The following CAST variants were observed in gnomAD, a reference collection of about 807,000 sequenced individuals.
The protein encoded by CAST is calpastatin.
Under a neutral mutation model 119.6 loss-of-function variants are expected in CAST, and 76 were observed. The ratio of observed to expected loss-of-function variants is 0.64; its 90% CI spans 0.53 to 0.77. The LOEUF (loss-of-function observed/expected upper bound fraction) is 0.77. Among genes scored for constraint, CAST ranks in the 30% least tolerant of loss-of-function variants. CAST has a pLI of 0.00. For synonymous variants in CAST, 319 were observed against 331.6 expected (o/e 0.96, Z 0.41); for missense variants, 953 against 946.5 (o/e 1.01, Z -0.09).
At chr5:96,062,855 A>G in the CAST span, among the ~76,000 whole-genome samples, 1 of 151,976 alleles carries the variant, frequency 6.6e-6, no homozygotes, top group African/African-American at 2.4e-5. Flanking sequence ...GGTCTGGGTC[A>G]CCCCCCAAGT....
chr5:96,382,445 C>T, the CAST span, among the ~76,000 whole-genome samples: 2 of 152,192 alleles, frequency 1.3e-5, no homozygotes, highest in Non-Finnish European at 2.9e-5. Flanking sequence ...AGTGGATCCT[C>T]CCTGGGCATC....
intron 9 of CAST, among the ~76,000 whole-genome samples, chr5:96,735,216 T>G (rs111510947): frequency 1.1e-4 from 16 of 152,250 alleles, no homozygotes; most frequent in African/African-American, 3.6e-4. Flanking sequence ...ATACTTCGTA[T>G]AGATTCACTT....
At chr5:96,306,671 A>G in the CAST span, among the ~76,000 whole-genome samples, 3 of 152,186 alleles carry the variant, frequency 2.0e-5, no homozygotes, top group Non-Finnish European at 4.4e-5. Context: ...GTGGTTTCAA[A>G]GAACTTATTT....
chr5:96,441,347 C>G, the CAST span, among the ~76,000 whole-genome samples: 1 of 151,452 alleles, frequency 6.6e-6, no homozygotes, highest in South Asian at 2.1e-4. Flanking sequence ...TTTTCTTTCT[C>G]TCATAATTCT....
chr5:96,090,306 C>A, the CAST span, among the ~76,000 whole-genome samples: 1 of 152,100 alleles, frequency 6.6e-6, no homozygotes, highest in African/African-American at 2.4e-5. Context: ...AGTTAAACAA[C>A]AAAAAGAGAG....
the CAST span, among the ~76,000 whole-genome samples, chr5:96,500,768 C>T: frequency 6.6e-6 from 1 of 152,116 alleles, no homozygotes; most frequent in African/African-American, 2.4e-5. Flanking sequence ...AACTAATCAC[C>T]GTCTCGGGAA....
the CAST span, among the ~76,000 whole-genome samples, chr5:96,155,164 C>A: frequency 6.6e-6 from 1 of 152,130 alleles, no homozygotes; most frequent in East Asian, 1.9e-4. Flanking sequence ...AGCATTATAT[C>A]TAAATTTTAA....
At chr5:96,419,423 C>T in the CAST span, among the ~76,000 whole-genome samples, 1 of 147,682 alleles carries the variant, frequency 6.8e-6, no homozygotes. Context: ...ACCTCTCTCT[C>T]TCTCTCTCTC....
At chr5:96,268,289 G>A in the CAST span, among the ~76,000 whole-genome samples, 3 of 152,124 alleles carry the variant, frequency 2.0e-5, no homozygotes, top group Non-Finnish European at 4.4e-5. Flanking sequence ...AAGGCACAGA[G>A]GACCCAACTG....
chr5:96,720,226 CTG>C (rs1757984982), intron 3 of CAST, among the ~76,000 whole-genome samples: 1 of 152,312 alleles, frequency 6.6e-6, no homozygotes, highest in Non-Finnish European at 1.5e-5. Context: ...TGTTTAAAGC[CTG>C]TATATTAAAG....
the CAST span, among the ~76,000 whole-genome samples, chr5:96,265,303 A>T: frequency 6.6e-6 from 1 of 151,810 alleles, no homozygotes; most frequent in Non-Finnish European, 1.5e-5. Context: ...AAATATATAT[A>T]TTTTTAATTT....
chr5:96,362,770 C>T, the CAST span, among the ~76,000 whole-genome samples: 191 of 152,190 alleles, frequency 1.3e-3, no homozygotes, highest in Non-Finnish European at 2.2e-3. Flanking sequence ...AAAATTGTCT[C>T]CCATTCTGTA....
intron 20 of CAST, among the ~76,000 whole-genome samples, chr5:96,751,610 A>G (rs1295615854): frequency 6.6e-6 from 1 of 152,184 alleles, no homozygotes; most frequent in Non-Finnish European, 1.5e-5. Flanking sequence ...CATGTGTGCT[A>G]GGCCACAGTG....
At chr5:96,016,384 T>C in the CAST span, among the ~76,000 whole-genome samples, 6 of 152,334 alleles carry the variant, frequency 3.9e-5, no homozygotes, top group African/African-American at 1.4e-4. Context: ...TCTGTGCACA[T>C]GCCACTGAAT....
chr5:96,549,258 A>G (rs544722535), intron 1 of CAST, among the ~76,000 whole-genome samples: 2 of 152,262 alleles, frequency 1.3e-5, no homozygotes, highest in East Asian at 1.9e-4. Context: ...ACTCAAAGGT[A>G]TGTTGGCATT....
At chr5:96,300,834 A>ATTT in the CAST span, among the ~76,000 whole-genome samples, 17 of 52,416 alleles carry the variant, frequency 3.2e-4, no homozygotes, top group African/African-American at 5.6e-4. Flanking sequence ...ATTCCTAAGC[A>ATTT]TTTTTTTTTT....
In CAST at chr5:96,681,939, C is replaced by A. The variant is rs544473151; in HGVS notation, c.138+6338C>A. 2.0e-5 allele frequency among the ~76,000 whole-genome samples: 3 copies of A among 148,992 alleles called. No homozygotes were observed. In the East Asian group the frequency reaches 5.9e-4, roughly 29 times the overall value. On this transcript the variant is annotated intron_variant, in intron 2 of 31. Transcript: ENST00000675179. ...CGCTTTTCATGATTTCAGTTACCCA[C>A]GGTACAATACAATGAGATATTTTGA... is the stretch of plus-strand genomic sequence containing the variant.
At chr5:96,122,129 G>T in the CAST span, among the ~76,000 whole-genome samples, 1 of 152,010 alleles carries the variant, frequency 6.6e-6, no homozygotes, top group Non-Finnish European at 1.5e-5. Context: ...GGATACTGTT[G>T]AACAATGGAG....
chr5:96,132,790 C>A, the CAST span, among the ~76,000 whole-genome samples: 1 of 152,110 alleles, frequency 6.6e-6, no homozygotes, highest in Non-Finnish European at 1.5e-5. Flanking sequence ...CACAGTCTTG[C>A]AAATTGAAGG....
Sources: allele counts gnomAD v4.1 joint callset (sites outside exome capture counted in the v4.1 genomes callset), GRCh38; gene constraint gnomAD v4.1.1; transcripts MANE v1.5; gene names NCBI Gene and HGNC (gene_info 2026-07-23, HGNC 2026-07-21).